Variants in TMX4 observed in about 807,000 individuals in gnomAD.
The protein encoded by TMX4 is thioredoxin related transmembrane protein 4.
In TMX4, 23 loss-of-function variants were observed where a neutral mutation model predicts 33.3. The observed-to-expected ratio is 0.69, with a 90% CI of 0.50 to 0.98. The LOEUF (loss-of-function observed/expected upper bound fraction) is 0.98. TMX4 is among the 50% of genes least tolerant of loss of function. The pLI, the probability that TMX4 is intolerant of heterozygous loss-of-function variation, is 0.00. For synonymous variants in TMX4, 164 were observed against 161.5 expected, an observed-to-expected ratio of 1.02 and a Z score of -0.12; for missense variants, 399 against 448.9, an observed-to-expected ratio of 0.89 and a Z score of 1.01.
At chr20:7,994,832 T>C (rs201416607) in intron 5 of TMX4, among the ~76,000 whole-genome samples, 3 of 149,342 alleles carry the variant, frequency 2.0e-5, no homozygotes, top group Non-Finnish European at 1.5e-5. Context: ...ATTCCCAGTT[T>C]GCAATTCATA....
At chr20:8,001,466 T>G in intron 3 of TMX4, 30 bp downstream of exon 3, 1 of 1,570,002 alleles carries the variant, frequency 6.4e-7, no homozygotes, top group Non-Finnish European at 8.7e-7. Context: ...TTTCTAATAT[T>G]TGCAAGATTA....
chr20:7,981,036 G>C lies in TMX4; in HGVS notation c.*1215C>G, dbSNP rs1169786244. 1.3e-5 allele frequency: 2 copies of C among 151,304 alleles called. No individual in the cohort carries two copies. The highest frequency in any genetic ancestry group is 2.9e-5 in the Non-Finnish European group (2 of 68,014). The allele number at this position is 151,304 out of a possible 1,614,324, so 9.4% of individuals were successfully genotyped here. On this transcript the variant is annotated 3_prime_UTR_variant, in exon 8 of 8. Coordinates refer to ENST00000246024, the MANE Select transcript of TMX4 (RefSeq NM_021156.4). ...ATTCTAACACATAAATCAGGTAAGA[G>C]AGAAGTAGATGGATAGATTTTTTTT... is the stretch of plus-strand genomic sequence containing the variant.
rs142368887 is a variant in TMX4, at chr20:8,003,151, C to T, written c.293-1610G>A. Among the ~76,000 whole-genome samples, 601 of 152,246 alleles carry T rather than the reference C, an allele frequency of 3.9e-3. 6 individuals are homozygous for T. Among genetic ancestry groups the T allele is most frequent in the African/African-American group, 0.013 (528 of 41,540 alleles). On this transcript the variant is annotated intron_variant, in intron 2 of 7. Transcript: ENST00000246024. ...CTGTTATTCCTAAATACTTAAAAAA[C>T]TAGTATATGCCTTTGGTTTAAGATA...
chr20:8,018,708 C>A (rs1252816172), intron 1 of TMX4: 1 of 178,682 alleles, frequency 5.6e-6, no homozygotes, highest in Non-Finnish European at 1.2e-5. Context: ...GCACTATCCA[C>A]CATTTGCTTT....
rs889523830 is a variant in TMX4, at chr20:7,980,254, T to C, written c.*1997A>G. 6 of 152,184 alleles carry C rather than the reference T, an allele frequency of 3.9e-5. No individual in the cohort carries two copies. Among genetic ancestry groups the C allele is most frequent in the Non-Finnish European group, 8.8e-5 (6 of 68,032 alleles). The allele number at this position is 152,184 out of a possible 1,614,324, so 9.4% of individuals were successfully genotyped here. Reference sequence around the variant, plus strand: ...CACTAAAAAAATGAATATTTCAGTTTGAGAGGGAGGAATTATATAGAAAAG... The same window carrying C: ...CACTAAAAAAATGAATATTTCAGTTCGAGAGGGAGGAATTATATAGAAAAG... On this transcript the variant is annotated 3_prime_UTR_variant, in exon 8 of 8. Coordinates refer to ENST00000246024, the MANE Select transcript of TMX4 (RefSeq NM_021156.4).
chr20:7,982,876 C>A (rs565935209), intron 7 of TMX4, among the ~76,000 whole-genome samples: 1 of 152,278 alleles, frequency 6.6e-6, no homozygotes, highest in Non-Finnish European at 1.5e-5. Flanking sequence ...GGGTCCTTTA[C>A]GCTCGGTATT....
chr20:7,985,797 A>G (rs916199919), intron 6 of TMX4, among the ~76,000 whole-genome samples: 2 of 152,206 alleles, frequency 1.3e-5, no homozygotes, highest in Non-Finnish European at 2.9e-5. Flanking sequence ...TCCTTTCTTC[A>G]GGCCAAGCCT....
At chr20:7,989,491 CTT>C (rs1361678724) in intron 5 of TMX4, among the ~76,000 whole-genome samples, 4 of 152,170 alleles carry the variant, frequency 2.6e-5, no homozygotes, top group Non-Finnish European at 2.9e-5. Flanking sequence ...GACTCAAACA[CTT>C]AGTACTTTCA....
intron 2 of TMX4, among the ~76,000 whole-genome samples, chr20:8,004,385 A>G (rs2050719171): frequency 6.6e-6 from 1 of 152,242 alleles, no homozygotes; most frequent in Non-Finnish European, 1.5e-5. Flanking sequence ...AGCTTGTCTC[A>G]GGATAATAGT....
At chr20:7,985,840 T>A (rs1045859977) in intron 6 of TMX4, among the ~76,000 whole-genome samples, 2 of 152,214 alleles carry the variant, frequency 1.3e-5, no homozygotes, top group African/African-American at 4.8e-5. Flanking sequence ...TATCTGAATC[T>A]AGGTTTCCAA....
chr20:7,982,532 T>A lies in TMX4; in HGVS notation c.769A>T (p.Lys257Ter). 1 of 1,613,988 alleles carries A rather than the reference T, an allele frequency of 6.2e-7. No homozygotes were observed. The highest frequency in any genetic ancestry group is 8.5e-7 in the Non-Finnish European group (1 of 1,179,900). The change falls in exon 8 of 8, where the codon AAA becomes TAA. Residue 257 changes from lysine (K) to a stop codon, truncating the protein, a stop_gained. Coordinates refer to ENST00000246024, the MANE Select transcript of TMX4 (RefSeq NM_021156.4). LOFTEE classifies it low-confidence loss of function (END_TRUNC). ...TCTTCATCATCTACAAGGCTGTCTT[T>A]GTTTTCTTCTTCATTTGAATCATCT... ...EKDDSNEEENKDSLVDDEEEK... is the reference protein window; with the variant it reads ...EKDDSNEEEN
At chr20:8,012,530 T>C (rs1568539582) in intron 1 of TMX4, among the ~76,000 whole-genome samples, 1 of 152,066 alleles carries the variant, frequency 6.6e-6, no homozygotes, top group East Asian at 1.9e-4. Flanking sequence ...CGTCAAGGAA[T>C]ATAAAACTTC....
intron 5 of TMX4, among the ~76,000 whole-genome samples, chr20:7,992,551 T>G (rs1600142024): frequency 1.3e-5 from 2 of 152,272 alleles, no homozygotes; most frequent in East Asian, 3.9e-4. Flanking sequence ...TCAAGGGACT[T>G]TCTCACCTCA....
Position 8,010,295 on chromosome 20 carries a change from G to A in TMX4, c.197C>T (p.Ser66Phe), listed in dbSNP as rs141058825. The change falls in exon 2 of 8, where the codon TCC becomes TTC. Residue 66 changes from serine (S) to phenylalanine (F), a missense_variant. Physicochemically the swap from Ser to Phe is radical, Grantham distance 155. Transcript: ENST00000246024. ...MLKFYAPWCPSCQQTDSEWEA... is the reference protein window; with the variant it reads ...MLKFYAPWCPFCQQTDSEWEA... ...CCATTCTGAATCAGTCTGCTGGCAG[G>A]ATGGACACCATGGGGCGTAACTATA... 110 of 1,610,540 alleles carry A rather than the reference G, an allele frequency of 6.8e-5. No individual in the cohort carries two copies. The highest frequency in any genetic ancestry group is 3.3e-4 in the Middle Eastern group (2 of 6,070).
chr20:7,999,900 A>C (rs2050696811), intron 3 of TMX4, 40 bp from the exon 4 acceptor site: 1 of 1,589,026 alleles, frequency 6.3e-7, no homozygotes, highest in Non-Finnish European at 8.5e-7. Flanking sequence ...AATGCATTAA[A>C]ATAACGATGT....
At chr20:8,006,066 C>T (rs971577966) in intron 2 of TMX4, among the ~76,000 whole-genome samples, 5 of 152,156 alleles carry the variant, frequency 3.3e-5, no homozygotes, top group South Asian at 2.1e-4. Flanking sequence ...ACTGAAAGAG[C>T]ACACGGTAAC....
At chr20:8,005,364 T>C (rs998311958) in intron 2 of TMX4, among the ~76,000 whole-genome samples, 1 of 152,212 alleles carries the variant, frequency 6.6e-6, no homozygotes, top group Non-Finnish European at 1.5e-5. Flanking sequence ...TAATGTAACC[T>C]AATCTAAGGG....
intron 5 of TMX4, among the ~76,000 whole-genome samples, chr20:7,990,236 A>C (rs2050648600): frequency 6.6e-6 from 1 of 151,856 alleles, no homozygotes. Context: ...CGGAGGTTGC[A>C]GTGAGCTGAG....
chr20:8,003,130 TA>T (rs967271417), intron 2 of TMX4, among the ~76,000 whole-genome samples: 9 of 152,200 alleles, frequency 5.9e-5, no homozygotes, highest in Admixed American at 2.0e-4. Flanking sequence ...AAAGTACTGT[TA>T]TTCCTAAATA....
Sources: gnomAD v4.1 joint callset for allele counts (sites outside exome capture counted in the v4.1 genomes callset) on GRCh38, gnomAD v4.1.1 for gene constraint, MANE v1.5 for transcripts, NCBI Gene and HGNC (gene_info 2026-07-23, HGNC 2026-07-21) for gene names.